The following PRKCE variants were observed in gnomAD, a reference collection of about 807,000 sequenced individuals.
PRKCE encodes protein kinase C epsilon.
PRKCE carries 16 observed loss-of-function variants against 85.4 expected under a neutral mutation model. That is an observed-to-expected ratio of 0.19 (90% CI 0.13 to 0.28). The LOEUF (loss-of-function observed/expected upper bound fraction) is 0.28, where lower values mean the gene tolerates loss of function less well. Among genes scored for constraint, PRKCE ranks in the 10% least tolerant of loss-of-function variants. The pLI is 1.00. For synonymous variants in PRKCE, 388 were observed against 371.5 expected, an observed-to-expected ratio of 1.04 and a Z score of -0.51; for missense variants, 573 against 975.2, an observed-to-expected ratio of 0.59 and a Z score of 5.49.
At chr2:45,814,345 C>T (rs539541936) in intron 1 of PRKCE, among the ~76,000 whole-genome samples, 158 of 152,208 alleles carry the variant, frequency 1.0e-3, no homozygotes, top group Non-Finnish European at 2.0e-3. Context: ...ACCCTTGCCT[C>T]GCAGCCAAGG....
At chr2:45,702,033 A>G (rs899138663) in intron 1 of PRKCE, among the ~76,000 whole-genome samples, 17 of 152,274 alleles carry the variant, frequency 1.1e-4, no homozygotes, top group African/African-American at 4.1e-4. Flanking sequence ...TACTCAAAAT[A>G]CAAAAATTAG....
chr2:46,016,775 G>A (rs535119499), intron 10 of PRKCE, among the ~76,000 whole-genome samples: 63 of 152,020 alleles, frequency 4.1e-4, no homozygotes, highest in Non-Finnish European at 8.2e-4. Flanking sequence ...CGGACACGGT[G>A]GCGGGCACCT....
At chr2:46,075,296 A>G (rs1668462534) in intron 10 of PRKCE, among the ~76,000 whole-genome samples, 1 of 151,862 alleles carries the variant, frequency 6.6e-6, no homozygotes, top group African/African-American at 2.4e-5. Flanking sequence ...TCGGCCTCCC[A>G]AAGTGCTGGG....
intron 1 of PRKCE, among the ~76,000 whole-genome samples, chr2:45,653,370 GTTTTTTT>G (rs34888247): frequency 0.047 from 2,908 of 61,604 alleles, 99 homozygotes; most frequent in African/African-American, 0.15. Context: ...TTTTTGGGTT[GTTTTTTT>G]TTTTTTTTTT....
intron 10 of PRKCE, among the ~76,000 whole-genome samples, chr2:46,038,489 C>T (rs1708014503): frequency 1.3e-5 from 2 of 152,106 alleles, no homozygotes; most frequent in Non-Finnish European, 2.9e-5. Context: ...TGCTAGCTCC[C>T]AAGCAATGTG....
At chr2:46,121,229 G>A (rs1444402295) in intron 11 of PRKCE, among the ~76,000 whole-genome samples, 3 of 152,006 alleles carry the variant, frequency 2.0e-5, no homozygotes, top group African/African-American at 7.3e-5. Context: ...ATAATGCTTT[G>A]GCATTCTTGG....
chr2:45,827,587 G>A (rs539111777), intron 1 of PRKCE, among the ~76,000 whole-genome samples: 1 of 152,174 alleles, frequency 6.6e-6, no homozygotes, highest in Non-Finnish European at 1.5e-5. Context: ...TAGATAGTCC[G>A]TGCTTCCATA....
In PRKCE at chr2:46,068,246, C is replaced by G. The variant is rs535754921; in HGVS notation, c.1438-17962C>G. On this transcript the variant is annotated intron_variant, in intron 10 of 14. Coordinates refer to ENST00000306156, the MANE Select transcript of PRKCE (RefSeq NM_005400.3). The surrounding 1 kb of genome is among the most constrained non-coding windows in gnomAD (Gnocchi z 4.3). ...CTTGAGTCATAGGCTATCTAACTTACGAGCATGCCTACTCTGTTAGGTCCA... is the reference window on the plus strand; with the variant it reads ...CTTGAGTCATAGGCTATCTAACTTAGGAGCATGCCTACTCTGTTAGGTCCA... 6.6e-6 allele frequency among the ~76,000 whole-genome samples: 1 copy of G among 152,062 alleles called. No individual in the cohort carries two copies. The highest frequency in any genetic ancestry group is 2.4e-5 in the African/African-American group (1 of 41,390).
intron 1 of PRKCE, among the ~76,000 whole-genome samples, chr2:45,768,301 G>C (rs1374604926): frequency 6.6e-6 from 1 of 152,192 alleles, no homozygotes; most frequent in Non-Finnish European, 1.5e-5. Context: ...GCCTTATCCT[G>C]GCCTGGCTCT....
At chr2:45,666,691 G>A (rs1024955537) in intron 1 of PRKCE, among the ~76,000 whole-genome samples, 1 of 151,902 alleles carries the variant, frequency 6.6e-6, no homozygotes, top group Non-Finnish European at 1.5e-5. Context: ...TGTGCCCTCC[G>A]TTTAAAATTA....
chr2:45,859,903 C>T (rs1426289739), intron 2 of PRKCE, among the ~76,000 whole-genome samples: 4 of 152,132 alleles, frequency 2.6e-5, no homozygotes, highest in Non-Finnish European at 4.4e-5. Context: ...CATGAAAGCT[C>T]ATTTTGAAAG....
At chr2:46,144,537 A>G (rs538885197) in intron 11 of PRKCE, among the ~76,000 whole-genome samples, 1 of 152,048 alleles carries the variant, frequency 6.6e-6, no homozygotes, top group East Asian at 1.9e-4. Flanking sequence ...TTATCTTCTA[A>G]CCATGTTTCT....
intron 2 of PRKCE, among the ~76,000 whole-genome samples, chr2:45,908,450 G>A (rs550088563): frequency 1.3e-5 from 2 of 152,268 alleles, no homozygotes; most frequent in South Asian, 2.1e-4. Flanking sequence ...ACTCTCTCTC[G>A]CCCATTGGAC....
At chr2:45,761,326 CAAAAAAAAA>C (rs370710295) in intron 1 of PRKCE, among the ~76,000 whole-genome samples, 79 of 82,256 alleles carry the variant, frequency 9.6e-4, no homozygotes, top group Non-Finnish European at 1.3e-3. Context: ...GACTCCATCT[CAAAAAAAAA>C]AAAAAAAAAA....
At chr2:45,957,917 ATT>A (rs11403708) in intron 2 of PRKCE, among the ~76,000 whole-genome samples, 42 of 135,258 alleles carry the variant, frequency 3.1e-4, no homozygotes, top group African/African-American at 5.5e-4. Context: ...CTGTGTCTCT[ATT>A]TTTTTTTTTT....
intron 1 of PRKCE, among the ~76,000 whole-genome samples, chr2:45,770,464 C>T (rs556715818): frequency 8.5e-5 from 13 of 152,210 alleles, no homozygotes; most frequent in South Asian, 8.3e-4. Context: ...GGCGTCCCTT[C>T]GGCCACTTGT....
At chr2:45,916,149 C>T (rs1377380006) in intron 2 of PRKCE, among the ~76,000 whole-genome samples, 3 of 150,928 alleles carry the variant, frequency 2.0e-5, no homozygotes, top group African/African-American at 7.3e-5. Context: ...TCTATCTCTA[C>T]TTACTTTTCC....
At chr2:45,974,025 T>G (rs1868390) in intron 2 of PRKCE, among the ~76,000 whole-genome samples, 123,972 of 152,172 alleles carry the variant, frequency 0.81, 51,114 homozygotes, top group East Asian at 0.97. Flanking sequence ...TTTACGAAAA[T>G]AACCTGCATC....
intron 1 of PRKCE, among the ~76,000 whole-genome samples, chr2:45,761,313 C>T (rs1477652440): frequency 5.6e-5 from 6 of 107,120 alleles, no homozygotes; most frequent in Non-Finnish European, 1.0e-4. Context: ...GGCGACAGAG[C>T]GAGACTCCAT....
Sources: gnomAD v4.1 joint callset for allele counts (sites outside exome capture counted in the v4.1 genomes callset) on GRCh38, gnomAD v4.1.1 for gene constraint, Gnocchi (gnomAD v3.1) non-coding constraint, MANE v1.5 for transcripts, NCBI Gene and HGNC (gene_info 2026-07-23, HGNC 2026-07-21) for gene names.